The following MYO5B variants were observed in gnomAD, a reference collection of about 807,000 sequenced individuals.
MYO5B encodes unconventional myosin-Vb.
MYO5B carries 143 observed loss-of-function variants against 229.3 expected under a neutral mutation model. That is an observed-to-expected ratio of 0.62 (90% CI 0.54 to 0.72). MYO5B has a LOEUF of 0.72. Among genes scored for constraint, MYO5B ranks in the 30% least tolerant of loss-of-function variants. The pLI is 0.00. For synonymous variants in MYO5B, 918 were observed against 885.2 expected (o/e 1.04, Z -0.66); for missense variants, 2,321 against 2,331.0 (o/e 1.00, Z 0.09).
At chr18:49,843,735 G>A (rs1199901253) in intron 33 of MYO5B, among the ~76,000 whole-genome samples, 1 of 152,202 alleles carries the variant, frequency 6.6e-6, no homozygotes, top group African/African-American at 2.4e-5. Context: ...GCCAACAGGG[G>A]CCCATGGCAA....
intron 39 of MYO5B, among the ~76,000 whole-genome samples, chr18:49,830,571 G>A (rs1038287509): frequency 6.6e-6 from 1 of 152,214 alleles, no homozygotes; most frequent in Non-Finnish European, 1.5e-5. Flanking sequence ...AAATTGGCCA[G>A]GTGCAATGGC....
At chr18:50,019,967 G>A (rs779477076) in intron 4 of MYO5B, among the ~76,000 whole-genome samples, 1 of 152,128 alleles carries the variant, frequency 6.6e-6, no homozygotes, top group African/African-American at 2.4e-5. Flanking sequence ...ACCAGGGCAT[G>A]GTTGATGAGT....
rs202116346 is a variant in MYO5B, at chr18:50,185,289, T to TA, written c.27+9477dup. ...AAAACATTTAGTATGAATAAGAATT[T>TA]AAAAAAAAAAAAAGAGAGAGAGAGA... On this transcript the variant is annotated intron_variant, in intron 1 of 39. Transcript: ENST00000285039. Among the ~76,000 whole-genome samples, 991 of 139,112 alleles carry TA rather than the reference T, an allele frequency of 7.1e-3. 6 individuals are homozygous for TA. The highest frequency in any genetic ancestry group is 0.019 in the African/African-American group (706 of 38,004). The allele number at this position is 139,112 out of a possible 152,430, so 91.3% of individuals were successfully genotyped here. A position where few individuals can be genotyped will look rare whatever the true frequency, so the allele number is the denominator to read the frequency against.
intron 18 of MYO5B, among the ~76,000 whole-genome samples, chr18:49,907,465 A>G (rs1318562303): frequency 1.3e-5 from 2 of 152,204 alleles, no homozygotes; most frequent in Non-Finnish European, 2.9e-5. Flanking sequence ...AAGACAACCC[A>G]GCAGGGTTCC....
At chr18:50,178,648 G>A (rs529073340) in intron 1 of MYO5B, among the ~76,000 whole-genome samples, 3 of 152,316 alleles carry the variant, frequency 2.0e-5, no homozygotes, top group East Asian at 1.9e-4. Context: ...TTTAGATACA[G>A]GCTACCATTC....
intron 17 of MYO5B, among the ~76,000 whole-genome samples, chr18:49,927,960 C>A (rs913576105): frequency 1.3e-5 from 2 of 152,174 alleles, no homozygotes; most frequent in African/African-American, 4.8e-5. Flanking sequence ...AGACAACCCA[C>A]GGAGTGGGAG....
At chr18:50,062,163 A>T (rs934765091) in intron 1 of MYO5B, among the ~76,000 whole-genome samples, 1 of 147,332 alleles carries the variant, frequency 6.8e-6, no homozygotes, top group Non-Finnish European at 1.5e-5. Flanking sequence ...GTAATTACAC[A>T]TGAAAAAAAA....
intron 1 of MYO5B, among the ~76,000 whole-genome samples, chr18:50,139,191 G>A (rs1212072115): frequency 6.6e-6 from 1 of 152,206 alleles, no homozygotes; most frequent in African/African-American, 2.4e-5. Flanking sequence ...TTCTTCAGAA[G>A]ACCATTGGTT....
chr18:50,157,473 T>C (rs2032699021), intron 1 of MYO5B, among the ~76,000 whole-genome samples: 1 of 152,210 alleles, frequency 6.6e-6, no homozygotes, highest in African/African-American at 2.4e-5. Context: ...CTATAATTTC[T>C]AACAGTCCGA....
At chr18:50,040,859 T>C (rs952786807) in intron 2 of MYO5B, among the ~76,000 whole-genome samples, 2 of 152,216 alleles carry the variant, frequency 1.3e-5, no homozygotes, top group Non-Finnish European at 2.9e-5. Flanking sequence ...GTTTGAGACA[T>C]ATGTGCATAA....
At chr18:50,119,166 T>G (rs183559592) in intron 1 of MYO5B, among the ~76,000 whole-genome samples, 34 of 152,334 alleles carry the variant, frequency 2.2e-4, no homozygotes, top group African/African-American at 7.9e-4. Context: ...TCTGCAGATC[T>G]GAGGTGGGGC....
At chr18:50,124,885 A>G (rs1258977866) in intron 1 of MYO5B, among the ~76,000 whole-genome samples, 2 of 152,184 alleles carry the variant, frequency 1.3e-5, no homozygotes, top group Non-Finnish European at 2.9e-5. Flanking sequence ...GGGAAGCCCC[A>G]CTTTAATTTC....
chr18:50,001,161 C>T (rs1033894605), intron 5 of MYO5B, 94 bp downstream of exon 5: 71 of 1,498,900 alleles, frequency 4.7e-5, no homozygotes, highest in South Asian at 4.5e-4. Flanking sequence ...CAGGGAGAGG[C>T]GTGAAGGCTG....
intron 1 of MYO5B, among the ~76,000 whole-genome samples, chr18:50,168,034 A>G (rs1409351207): frequency 6.6e-6 from 1 of 152,222 alleles, no homozygotes; most frequent in Non-Finnish European, 1.5e-5. Context: ...TATGATATTT[A>G]TATTGCACTT....
intron 1 of MYO5B, among the ~76,000 whole-genome samples, chr18:50,148,466 C>T (rs2032541485): frequency 6.6e-6 from 1 of 151,826 alleles, no homozygotes; most frequent in Admixed American, 6.6e-5. Flanking sequence ...TCCAGCAGTA[C>T]ATTAAAAAGC....
intron 35 of MYO5B, 53 bp from the exon 36 acceptor site, chr18:49,839,347 A>G: frequency 2.5e-6 from 4 of 1,600,792 alleles, no homozygotes; most frequent in Middle Eastern, 1.7e-4. Flanking sequence ...TGGGCCCAGC[A>G]CAACTTCCAG....
At chr18:49,885,993 C>T (rs2024638014) in intron 22 of MYO5B, among the ~76,000 whole-genome samples, 1 of 152,194 alleles carries the variant, frequency 6.6e-6, no homozygotes, top group South Asian at 2.1e-4. Flanking sequence ...AGCTGGAGTG[C>T]TGTGGTGAGA....
intron 1 of MYO5B, among the ~76,000 whole-genome samples, chr18:50,126,311 A>G (rs953983591): frequency 3.3e-5 from 5 of 152,212 alleles, no homozygotes; most frequent in Non-Finnish European, 7.3e-5. Context: ...GGCCAGACCA[A>G]ACACCACACT....
At chr18:49,848,784 G>A (rs1318217617) in intron 32 of MYO5B, among the ~76,000 whole-genome samples, 2 of 152,048 alleles carry the variant, frequency 1.3e-5, no homozygotes, top group South Asian at 2.1e-4. Context: ...CAAAGTTGGT[G>A]GGCACATGGG....
Sources: allele counts gnomAD v4.1 joint callset (sites outside exome capture counted in the v4.1 genomes callset), GRCh38; gene constraint gnomAD v4.1.1; transcripts MANE v1.5; gene names NCBI Gene and HGNC (gene_info 2026-07-23, HGNC 2026-07-21).